DLC1: variants seen among roughly 807,000 people sequenced by gnomAD.
DLC1 encodes DLC1 Rho GTPase activating protein, also known as rho GTPase-activating protein 7.
A neutral mutation model predicts 140.3 loss-of-function variants in DLC1; 54 were observed. That is an observed-to-expected ratio of 0.38 (90% confidence interval 0.31 to 0.48). The LOEUF is 0.48. Ranked by LOEUF, DLC1 falls within the 20% of genes least tolerant of loss-of-function variation. The pLI, the probability that DLC1 is intolerant of heterozygous loss-of-function variation, is 0.96. For missense variants in DLC1, 2,536 were observed against 1,907.0 expected (o/e 1.33, Z -6.14); for synonymous variants, 986 against 728.1 (o/e 1.35, Z -5.70).
Position 13,556,770 on chromosome 8 carries a change from C to T in DLC1, c.-126+47767G>A, listed in dbSNP as rs561321066. Among the ~76,000 whole-genome samples, 3 of 152,268 alleles carry T rather than the reference C, an allele frequency of 2.0e-5. No individual in the cohort carries two copies. The South Asian group carries it at 6.2e-4, about 32-fold the overall frequency. ...AGTGCGAAAGTGGGAAAAACATATGCTTATTTCTAAAGTGGATGCTGTCAG... is the reference window on the plus strand; with the variant it reads ...AGTGCGAAAGTGGGAAAAACATATGTTTATTTCTAAAGTGGATGCTGTCAG... On this transcript the variant is annotated intron_variant, in intron 1 of 1. Coordinates refer to the DLC1 transcript ENST00000631382.
intron 1 of DLC1, chr8:13,567,844 T>A (rs11203497): frequency 1 from 1,547,918 of 1,551,878 alleles, 772,080 homozygotes; most frequent in East Asian, 1. Context: ...AGAGCAGAAG[T>A]TGCAGCGAGA....
intron 2 of DLC1, among the ~76,000 whole-genome samples, chr8:13,494,584 G>T: frequency 6.6e-6 from 1 of 152,118 alleles, no homozygotes; most frequent in Admixed American, 6.6e-5. Flanking sequence ...TATTTTATGC[G>T]TGTGAGAGAA....
At chr8:13,572,034 G>T (rs774370499) in intron 1 of DLC1, among the ~76,000 whole-genome samples, 8 of 151,436 alleles carry the variant, frequency 5.3e-5, no homozygotes, top group Non-Finnish European at 1.0e-4. Context: ...CAAATCCTCT[G>T]CCCATTTTCA....
Position 13,259,432 on chromosome 8 carries a change from G to A in DLC1, c.1348+45837C>T, listed in dbSNP as rs73665922. Among the ~76,000 whole-genome samples the A allele has an allele frequency of 6.8e-3, 1,039 of 152,262 alleles. 14 individuals carry two copies. Among genetic ancestry groups the A allele is most frequent in the African/African-American group, 0.022 (929 of 41,544 alleles). On this transcript the variant is annotated intron_variant, in intron 5 of 17. Transcript: ENST00000276297. The stretch of plus-strand genomic sequence containing the variant: ...GACAGAGTGCTAAGGCTCCCTTAGG[G>A]CCTTGGAAGAGTCAATGCAAATGAT...
At chr8:13,235,886 C>G (rs1313383100) in intron 5 of DLC1, among the ~76,000 whole-genome samples, 1 of 151,798 alleles carries the variant, frequency 6.6e-6, no homozygotes, top group East Asian at 1.9e-4. Flanking sequence ...TAGCTGACAT[C>G]TATTTTCAGA....
At chr8:13,542,667 A>G (rs1006499733) in intron 1 of DLC1, among the ~76,000 whole-genome samples, 8 of 152,128 alleles carry the variant, frequency 5.3e-5, no homozygotes, top group Non-Finnish European at 1.2e-4. Flanking sequence ...TTAAACATTT[A>G]GCAATGTTTT....
At chr8:13,453,460 G>A (rs867093769) in intron 2 of DLC1, among the ~76,000 whole-genome samples, 28 of 23,148 alleles carry the variant, frequency 1.2e-3, no homozygotes, top group South Asian at 2.9e-3. Context: ...ATATATATAT[G>A]TATATATATA....
intron 5 of DLC1, among the ~76,000 whole-genome samples, chr8:13,153,230 C>T (rs189449670): frequency 2.3e-4 from 35 of 152,160 alleles, no homozygotes; most frequent in Non-Finnish European, 1.5e-5. Context: ...GGTTCGTGGT[C>T]TCGCAGGCTT....
chr8:13,228,960 G>A (rs1025919860), intron 5 of DLC1, among the ~76,000 whole-genome samples: 2 of 152,200 alleles, frequency 1.3e-5, no homozygotes, highest in African/African-American at 4.8e-5. Context: ...AGGATGTGGA[G>A]GGATTGGAAC....
chr8:13,366,790 C>G (rs143312898), intron 4 of DLC1, among the ~76,000 whole-genome samples: 118 of 152,240 alleles, frequency 7.8e-4, no homozygotes, highest in Middle Eastern at 3.4e-3. Flanking sequence ...GTCTCCCTTT[C>G]CCCTCTGGGT....
intron 5 of DLC1, among the ~76,000 whole-genome samples, chr8:13,201,921 GTTTTT>G (rs35475930): frequency 0.17 from 16,912 of 101,528 alleles, 2,050 homozygotes; most frequent in African/African-American, 0.4. Context: ...TACCCAAAAG[GTTTTT>G]TTTTTTTTTT....
At chr8:13,312,348 G>A (rs955874513) in intron 4 of DLC1, among the ~76,000 whole-genome samples, 1 of 35,570 alleles carries the variant, frequency 2.8e-5, no homozygotes, top group Non-Finnish European at 5.5e-5. Flanking sequence ...GCGACAGAGC[G>A]AGACTCCGTC....
intron 5 of DLC1, among the ~76,000 whole-genome samples, chr8:13,137,633 C>G (rs1822673007): frequency 7.0e-6 from 1 of 143,588 alleles, no homozygotes; most frequent in African/African-American, 2.6e-5. Flanking sequence ...TGGAGTTTCA[C>G]TCTTGTCACC....
chr8:13,391,357 T>C (rs1382776392), intron 4 of DLC1, among the ~76,000 whole-genome samples: 2 of 152,206 alleles, frequency 1.3e-5, no homozygotes, highest in African/African-American at 4.8e-5. Context: ...AAGTCACACC[T>C]GAACAGCTGG....
rs1818355749 is a variant in DLC1 at position 13,094,660 on chromosome 8, CA to C, written c.3526+98del. 2.8e-5 allele frequency: 37 copies of C among 1,339,628 alleles called. 1 individual carries two copies. In the South Asian group the frequency reaches 4.9e-4, roughly 18 times the overall value. The allele number at this position is 1,339,628 out of a possible 1,614,324, so 83.0% of individuals were successfully genotyped here. ...CAGCCTGGATGACAGAGCGAGACTCCATCTCAAAAAAAAAAAGAATGCTATC... is the reference window on the plus strand; with the variant it reads ...CAGCCTGGATGACAGAGCGAGACTCCTCTCAAAAAAAAAAAGAATGCTATC... On this transcript the variant is annotated intron_variant, in intron 12 of 17. Coordinates refer to ENST00000276297, the MANE Select transcript of DLC1 (RefSeq NM_182643.3).
chr8:13,251,088 A>G (rs7840699), intron 5 of DLC1, among the ~76,000 whole-genome samples: 35,521 of 152,128 alleles, frequency 0.23, 4,307 homozygotes, highest in South Asian at 0.34. Context: ...GCTTATAGAC[A>G]GCCACCTTCT....
rs546614468 is a variant in DLC1 at position 13,099,653 on chromosome 8, G to A, written c.2684C>T (p.Ala895Val). ...SILYSSSGDL[A>V]DLENEDIFPE... ...GAAGATGTCCTCGTTCTCCAGATCCGCCAGGTCCCCTGAACTGGAGTAGAG... is the reference window on the plus strand; with the variant it reads ...GAAGATGTCCTCGTTCTCCAGATCCACCAGGTCCCCTGAACTGGAGTAGAG... The change falls in exon 9 of 18, where the codon GCG (alanine) becomes GTG (valine). Residue 895 changes from alanine (A) to valine (V), a missense_variant. By Grantham distance (64) the Ala-to-Val change is moderately conservative. Coordinates refer to ENST00000276297, the MANE Select transcript of DLC1 (RefSeq NM_182643.3). The A allele has an allele frequency of 1.9e-6, 3 of 1,614,132 alleles. No homozygotes were observed. The highest frequency in any genetic ancestry group is 2.2e-5 in the East Asian group (1 of 44,882).
chr8:13,576,171 T>G lies in DLC1; in HGVS notation c.-126+28366A>C, dbSNP rs78565457. Among the ~76,000 whole-genome samples, 217 of 152,336 alleles carry G rather than the reference T, an allele frequency of 1.4e-3. 1 individual carries two copies. Among genetic ancestry groups the G allele is most frequent in the African/African-American group, 5.1e-3 (210 of 41,574 alleles). ...AGCACCTCCTCAGTAAGACACATCA[T>G]GTATAGTTTTAATACTCTACATAAA... On this transcript the variant is annotated intron_variant, in intron 1 of 1. Coordinates refer to the DLC1 transcript ENST00000631382.
At chr8:13,571,329 C>T (rs1804646282) in intron 1 of DLC1, among the ~76,000 whole-genome samples, 1 of 152,112 alleles carries the variant, frequency 6.6e-6, no homozygotes, top group African/African-American at 2.4e-5. Context: ...TTTTTATCAC[C>T]TCAAACAGAA....
Sources: allele counts gnomAD v4.1 joint callset (sites outside exome capture counted in the v4.1 genomes callset), GRCh38; gene constraint gnomAD v4.1.1; transcripts MANE v1.5; gene names NCBI Gene and HGNC (gene_info 2026-07-23, HGNC 2026-07-21).